GRK3: variants seen among roughly 807,000 people sequenced by gnomAD.
The protein encoded by GRK3 is adrenergic, beta, receptor kinase 2.
Under a neutral mutation model 95.7 loss-of-function variants are expected in GRK3, and 54 were observed. The ratio of observed to expected loss-of-function variants is 0.56; its 90% confidence interval spans 0.45 to 0.71. The LOEUF (loss-of-function observed/expected upper bound fraction) is 0.71. GRK3 is among the 30% of genes least tolerant of loss of function. GRK3 has a pLI of 0.00. For missense variants in GRK3, 649 were observed against 851.2 expected (o/e 0.76, Z 2.96); for synonymous variants, 281 against 290.8 (o/e 0.97, Z 0.34).
intron 8 of GRK3, among the ~76,000 whole-genome samples, chr22:25,675,388 T>C (rs1445234743): frequency 6.6e-6 from 1 of 152,134 alleles, no homozygotes; most frequent in Non-Finnish European, 1.5e-5. Flanking sequence ...ATTCAGAAAC[T>C]AACTGCATCT....
At chr22:25,673,878 G>A (rs994653809) in intron 7 of GRK3, among the ~76,000 whole-genome samples, 4 of 151,760 alleles carry the variant, frequency 2.6e-5, no homozygotes, top group Admixed American at 1.3e-4. Context: ...CTTGTTTCAC[G>A]CTCACATGGC....
chr22:25,716,267 C>T (rs1407951971), intron 18 of GRK3, among the ~76,000 whole-genome samples: 7 of 152,290 alleles, frequency 4.6e-5, no homozygotes, highest in East Asian at 1.9e-4. Flanking sequence ...GGATTACAGG[C>T]GTGAGCCACT....
At chr22:25,613,909 C>CTTTTT (rs879804686) in intron 2 of GRK3, among the ~76,000 whole-genome samples, 3 of 142,082 alleles carry the variant, frequency 2.1e-5, no homozygotes, top group African/African-American at 7.7e-5. Context: ...TGGTTGTCTT[C>CTTTTT]TTTTTTTTTT....
At chr22:25,692,660 C>T (rs574808482) in intron 12 of GRK3, among the ~76,000 whole-genome samples, 9 of 152,262 alleles carry the variant, frequency 5.9e-5, no homozygotes, top group African/African-American at 1.7e-4. Context: ...GTCATCTTCA[C>T]GGAAAGCCCA....
At chr22:25,607,385 G>T (rs1002748806) in intron 2 of GRK3, among the ~76,000 whole-genome samples, 2 of 151,290 alleles carry the variant, frequency 1.3e-5, no homozygotes, top group African/African-American at 2.4e-5. Flanking sequence ...GTTTGAATCA[G>T]TATTCAAATA....
chr22:25,579,772 G>A (rs751575391), intron 1 of GRK3, among the ~76,000 whole-genome samples: 2 of 152,068 alleles, frequency 1.3e-5, no homozygotes, highest in East Asian at 1.9e-4. Flanking sequence ...GAGCCTGGCC[G>A]AGGGGACTTC....
intron 2 of GRK3, among the ~76,000 whole-genome samples, chr22:25,638,082 C>T (rs1398503794): frequency 6.6e-6 from 1 of 152,178 alleles, no homozygotes; most frequent in African/African-American, 2.4e-5. Context: ...CATCCTGGTG[C>T]TCATACACAT....
chr22:25,590,469 T>C (rs1318767950), intron 1 of GRK3, among the ~76,000 whole-genome samples: 2 of 152,232 alleles, frequency 1.3e-5, no homozygotes, highest in Non-Finnish European at 2.9e-5. Context: ...CAGGTCATTT[T>C]GTTGTGTAGT....
chr22:25,672,398 G>T (rs2146414142), intron 7 of GRK3, 51 bp downstream of exon 7: 6 of 953,814 alleles, frequency 6.3e-6, no homozygotes, highest in Non-Finnish European at 9.7e-6. Context: ...ACTTCCTCTG[G>T]CTTAACCTCA....
chr22:25,644,580 T>G lies in GRK3; in HGVS notation c.191-12T>G. 1 of 1,434,736 alleles carries G rather than the reference T, an allele frequency of 7.0e-7. No homozygotes were observed. Among genetic ancestry groups the G allele is most frequent in the Non-Finnish European group, 9.6e-7 (1 of 1,038,606 alleles). The allele number at this position is 1,434,736 out of a possible 1,614,324, so 88.9% of individuals were successfully genotyped here. The stretch of plus-strand genomic sequence containing the variant: ...ATTGCCCACCCTGAAATTTTTTATT[T>G]TTTTCCTTTAGGTTTCTTGCTATTT... On this transcript the variant is annotated splice_polypyrimidine_tract_variant and intron_variant, in intron 2 of 20. Coordinates refer to ENST00000324198, the MANE Select transcript of GRK3 (RefSeq NM_005160.4).
In GRK3 at chr22:25,663,443, G is replaced by A. The variant is rs111935933; in HGVS notation, c.367-187G>A. Among the ~76,000 whole-genome samples, 269 of 152,340 alleles carry A rather than the reference G, an allele frequency of 1.8e-3. 2 individuals are homozygous for A. Among genetic ancestry groups the A allele is most frequent in the African/African-American group, 6.1e-3 (253 of 41,574 alleles). On this transcript the variant is annotated intron_variant, in intron 4 of 20. Coordinates refer to ENST00000324198, the MANE Select transcript of GRK3 (RefSeq NM_005160.4). ...CATGTATCTAAGAACTGGATGCCCAGAGGAACAAGCATTTGCTGCGATTGC... is the reference window on the plus strand; with the variant it reads ...CATGTATCTAAGAACTGGATGCCCAAAGGAACAAGCATTTGCTGCGATTGC...
intron 1 of GRK3, among the ~76,000 whole-genome samples, chr22:25,575,268 A>G (rs979484943): frequency 3.3e-5 from 5 of 152,180 alleles, no homozygotes; most frequent in Non-Finnish European, 7.3e-5. Context: ...TTCTTTTGAG[A>G]TGAGAGTTCT....
At chr22:25,685,489 A>G (rs987999557) in intron 10 of GRK3, among the ~76,000 whole-genome samples, 2 of 152,238 alleles carry the variant, frequency 1.3e-5, no homozygotes, top group Admixed American at 1.3e-4. Flanking sequence ...AAAGATTATC[A>G]TGAAATACTT....
chr22:25,616,824 G>C (rs2084542977), intron 2 of GRK3, among the ~76,000 whole-genome samples: 1 of 152,358 alleles, frequency 6.6e-6, no homozygotes, highest in South Asian at 2.1e-4. Context: ...AAGAGGTTGA[G>C]ACTGTAGGGC....
intron 1 of GRK3, among the ~76,000 whole-genome samples, chr22:25,572,330 G>A (rs1569148500): frequency 6.6e-6 from 1 of 152,148 alleles, no homozygotes; most frequent in Non-Finnish European, 1.5e-5. Flanking sequence ...GTGTGCATGT[G>A]TCTTTATAGC....
chr22:25,703,612 G>C (rs763221517), intron 14 of GRK3, 36 bp downstream of exon 14: 1 of 1,433,200 alleles, frequency 7.0e-7, no homozygotes, highest in African/African-American at 1.4e-5. Context: ...TGTCTGTATG[G>C]TAATTGTCAT....
intron 2 of GRK3, among the ~76,000 whole-genome samples, chr22:25,612,548 T>A (rs1483251025): frequency 1.3e-5 from 2 of 152,050 alleles, no homozygotes; most frequent in African/African-American, 4.8e-5. Flanking sequence ...TCCTTAGAAT[T>A]TTTTATGTAT....
chr22:25,699,528 C>T (rs1326591323), intron 13 of GRK3, among the ~76,000 whole-genome samples: 1 of 152,032 alleles, frequency 6.6e-6, no homozygotes, highest in African/African-American at 2.4e-5. Flanking sequence ...CAGGACAGCT[C>T]CCGCAACACC....
chr22:25,603,061 C>A (rs1445939519), intron 1 of GRK3, among the ~76,000 whole-genome samples: 1 of 152,102 alleles, frequency 6.6e-6, no homozygotes, highest in African/African-American at 2.4e-5. Context: ...GGACTACAGA[C>A]ACGCACAACC....
Sources: gnomAD v4.1 joint callset for allele counts (sites outside exome capture counted in the v4.1 genomes callset) on GRCh38, gnomAD v4.1.1 for gene constraint, MANE v1.5 for transcripts, NCBI Gene and HGNC (gene_info 2026-07-23, HGNC 2026-07-21) for gene names.